CA4: variants seen among roughly 807,000 people sequenced by gnomAD.
CA4 encodes the protein CA-IV.
Under a neutral mutation model 34.5 loss-of-function variants are expected in CA4, and 24 were observed. The ratio of observed to expected loss-of-function variants is 0.70; its 90% CI spans 0.50 to 0.98. The LOEUF is 0.98. CA4 is among the 50% of genes least tolerant of loss of function. CA4 has a pLI of 0.00. For synonymous variants in CA4, 178 were observed against 170.6 expected, an observed-to-expected ratio of 1.04 and a Z score of -0.34; for missense variants, 394 against 396.7, an observed-to-expected ratio of 0.99 and a Z score of 0.06.
At chr17:60,159,168 G>A (rs550394772) in intron 7 of CA4, 62 bp from the exon 8 acceptor site, 3 of 1,468,110 alleles carry the variant, frequency 2.0e-6, no homozygotes, top group Admixed American at 1.9e-5. Context: ...CCTGCCTGAG[G>A]TCACACGGCA....
At chr17:60,153,571 C>A (rs1429650583) in intron 1 of CA4, among the ~76,000 whole-genome samples, 1 of 152,212 alleles carries the variant, frequency 6.6e-6, no homozygotes, top group East Asian at 1.9e-4. Flanking sequence ...AACCTGAATT[C>A]TCTCTTGTGC....
chr17:60,172,322 G>A (rs1230588249), downstream of CA4, among the ~76,000 whole-genome samples: 2 of 152,076 alleles, frequency 1.3e-5, no homozygotes, highest in East Asian at 3.9e-4. Flanking sequence ...TCCCTGTCCA[G>A]AGCTCTTCTA....
rs1389874571 is a variant in CA4, at chr17:60,157,799, C to T, written c.513+11C>T. 5 of 1,604,990 alleles carry T rather than the reference C, an allele frequency of 3.1e-6. No individual in the cohort carries two copies. Among genetic ancestry groups the T allele is most frequent in the Non-Finnish European group, 2.6e-6 (3 of 1,171,724 alleles). On this transcript the variant is annotated intron_variant, in intron 5 of 7. Coordinates refer to ENST00000300900, the MANE Select transcript of CA4 (RefSeq NM_000717.5). ...GCCTTTCTGGTGGAGGTGGGACTCCCATCCCCCACTTCCCGGGGAACCCGG... is the reference window on the plus strand; with the variant it reads ...GCCTTTCTGGTGGAGGTGGGACTCCTATCCCCCACTTCCCGGGGAACCCGG...
intron 1 of CA4, among the ~76,000 whole-genome samples, chr17:60,153,154 AT>A (rs2083620692): frequency 1.3e-5 from 2 of 152,146 alleles, no homozygotes; most frequent in African/African-American, 4.8e-5. Flanking sequence ...CCTGGTCAAC[AT>A]GGTGAAACCC....
intron 5 of CA4, among the ~76,000 whole-genome samples, chr17:60,168,154 T>C: frequency 7.1e-6 from 1 of 141,256 alleles, no homozygotes; most frequent in South Asian, 2.2e-4. Context: ...ACCAGGGGCA[T>C]AAGGAGAATG....
chr17:60,173,373 C>G (rs1249746331), downstream of CA4, among the ~76,000 whole-genome samples: 2 of 152,194 alleles, frequency 1.3e-5, no homozygotes, highest in Admixed American at 1.3e-4. Flanking sequence ...CACAAACAGG[C>G]TGCACTGCCT....
At chr17:60,157,850 A>T in intron 5 of CA4, 62 bp downstream of exon 5, 1 of 1,547,268 alleles carries the variant, frequency 6.5e-7, no homozygotes, top group Non-Finnish European at 8.9e-7. Context: ...CTTAGGATTC[A>T]GAGACCTGGG....
chr17:60,175,098 C>A (rs1480595609), downstream of CA4, among the ~76,000 whole-genome samples: 2 of 151,990 alleles, frequency 1.3e-5, no homozygotes, highest in African/African-American at 4.8e-5. Context: ...ACAATCAAGG[C>A]AACCTCAACC....
chr17:60,164,311 T>C (rs949679499), downstream of CA4, among the ~76,000 whole-genome samples: 5 of 150,640 alleles, frequency 3.3e-5, no homozygotes, highest in Non-Finnish European at 3.0e-5. Flanking sequence ...TCTTTCTCTT[T>C]CTTCCTTCCT....
the CA4 span, among the ~76,000 whole-genome samples, chr17:60,178,627 T>C: frequency 1.3e-5 from 2 of 152,290 alleles, no homozygotes; most frequent in Middle Eastern, 3.4e-3. Context: ...TATATGCCCC[T>C]GCCACCAATG....
At chr17:60,164,346 T>C (rs1006192945), downstream of CA4, among the ~76,000 whole-genome samples, 1 of 147,606 alleles carries the variant, frequency 6.8e-6, no homozygotes, top group Admixed American at 6.8e-5. Context: ...CCTCCTCCCC[T>C]CCCTCCAGTC....
At chr17:60,157,656 A>AT in intron 4 of CA4, 34 bp from the exon 5 acceptor site, 1 of 1,612,416 alleles carries the variant, frequency 6.2e-7, no homozygotes, top group South Asian at 1.1e-5. Context: ...CAGGCCCTTC[A>AT]TAGGTCCCCT....
At chr17:60,165,959 C>A (rs540787338) in intron 5 of CA4, among the ~76,000 whole-genome samples, 62 of 151,914 alleles carry the variant, frequency 4.1e-4, no homozygotes, top group Non-Finnish European at 6.6e-4. Context: ...GTCTGGTGAC[C>A]CTACCTCCAT....
At chr17:60,165,180 A>G (rs1305786655) in intron 5 of CA4, among the ~76,000 whole-genome samples, 1 of 152,228 alleles carries the variant, frequency 6.6e-6, no homozygotes, top group Non-Finnish European at 1.5e-5. Flanking sequence ...AGAGTGATGC[A>G]TAATGAACTC....
the CA4 span, among the ~76,000 whole-genome samples, chr17:60,178,426 C>G: frequency 1.3e-5 from 2 of 152,228 alleles, no homozygotes; most frequent in African/African-American, 4.8e-5. Context: ...CTTCCCTCAG[C>G]ATGGGTGGGG....
intron 1 of CA4, among the ~76,000 whole-genome samples, chr17:60,153,886 G>A (rs1365009772): frequency 6.6e-6 from 1 of 152,214 alleles, no homozygotes; most frequent in Admixed American, 6.5e-5. Flanking sequence ...TCTGAAAAAG[G>A]CGATGCCAGC....
chr17:60,159,418 G>T lies in CA4; in HGVS notation c.933G>T (p.Leu311=), dbSNP rs1176327803. The change falls in exon 8 of 8, where the codon CTG becomes CTT. Residue 311 remains leucine (L), a synonymous_variant. Coordinates refer to ENST00000300900, the MANE Select transcript of CA4 (RefSeq NM_000717.5). ...PMLACLLAGF[L]R ...TGGCCTGCCTGCTGGCCGGCTTCCT[G>T]CGATGATGGCTCACTTCTGCACGCA... 2 of 1,611,546 alleles carry T rather than the reference G, an allele frequency of 1.2e-6. No homozygotes were observed. The highest frequency in any genetic ancestry group is 2.2e-5 in the South Asian group (2 of 90,956).
At chr17:60,159,696 G>A (rs2083763728), downstream of CA4, 4 of 580,382 alleles carry the variant, frequency 6.9e-6, no homozygotes, top group South Asian at 8.0e-5. Flanking sequence ...CCCGTTCTAT[G>A]TGAATTCCGT....
chr17:60,153,982 C>T (rs925131928), intron 1 of CA4, among the ~76,000 whole-genome samples: 3 of 152,126 alleles, frequency 2.0e-5, no homozygotes, highest in Non-Finnish European at 4.4e-5. Context: ...TGGGGATGCT[C>T]CCTCATGGCT....
Sources: gnomAD v4.1 joint callset for allele counts (sites outside exome capture counted in the v4.1 genomes callset) on GRCh38, gnomAD v4.1.1 for gene constraint, MANE v1.5 for transcripts, NCBI Gene and HGNC (gene_info 2026-07-23, HGNC 2026-07-21) for gene names.